The following SACS variants were observed in gnomAD, a reference collection of about 807,000 sequenced individuals.
The protein encoded by SACS is sacsin.
A neutral mutation model predicts 348.0 loss-of-function variants in SACS; 197 were observed. The ratio of observed to expected loss-of-function variants is 0.57; its 90% CI spans 0.50 to 0.64. SACS has a LOEUF of 0.64. SACS is among the 30% of genes least tolerant of loss of function. SACS has a pLI of 0.00. For missense variants in SACS, 4,999 were observed against 5,360.8 expected (o/e 0.93, Z 2.11); for synonymous variants, 1,985 against 1,910.6 (o/e 1.04, Z -1.02).
At chr13:23,382,351 A>G (rs1322514945) in intron 2 of SACS, among the ~76,000 whole-genome samples, 1 of 152,130 alleles carries the variant, frequency 6.6e-6, no homozygotes, top group Non-Finnish European at 1.5e-5. Context: ...ATTTTGAAGG[A>G]AAATTAGGAA....
rs1871155132 is a variant in SACS at position 23,367,877 on chromosome 13, A to T, written c.345+525T>A. 2.6e-5 allele frequency among the ~76,000 whole-genome samples: 4 copies of T among 152,362 alleles called. No individual in the cohort carries two copies. The South Asian group carries it at 8.3e-4, about 32-fold the overall frequency. On this transcript the variant is annotated intron_variant, in intron 5 of 9. Transcript: ENST00000382292. ...CCAAAGTGCTGGGATTACAGGCATG[A>T]GCCACTGCGCCCAGCCTGTTTTTTA... is the stretch of plus-strand genomic sequence containing the variant.
chr13:23,375,311 A>ACCCG (rs1566091911), intron 2 of SACS, 42 bp from the exon 3 acceptor site: 1 of 1,372,656 alleles, frequency 7.3e-7, no homozygotes, highest in Admixed American at 3.0e-5. Flanking sequence ...TGCGGCTGCC[A>ACCCG]CCCGCCCGCC....
chr13:23,421,519 G>A (rs1406708968), intron 1 of SACS, among the ~76,000 whole-genome samples: 1 of 152,060 alleles, frequency 6.6e-6, no homozygotes, highest in Non-Finnish European at 1.5e-5. Flanking sequence ...TGCCTACATA[G>A]TGTCTTATGT....
At chr13:23,382,925 G>A (rs1872124823) in intron 2 of SACS, among the ~76,000 whole-genome samples, 2 of 149,434 alleles carry the variant, frequency 1.3e-5, no homozygotes, top group African/African-American at 4.9e-5. Context: ...GGGACTATAG[G>A]ACTACAGGCA....
rs543717942 is a variant in SACS, at chr13:23,424,624, T to C, written c.-502+8991A>G. On this transcript the variant is annotated intron_variant, in intron 1 of 9. Transcript: ENST00000382292. Reference sequence around the variant, plus strand: ...ACAAGCTATGTGAGGAGAAACTTTCTGATGTGCTGTTTTATATAAATGAAT... The same window carrying C: ...ACAAGCTATGTGAGGAGAAACTTTCCGATGTGCTGTTTTATATAAATGAAT... 1.2e-4 allele frequency among the ~76,000 whole-genome samples: 18 copies of C among 152,326 alleles called. No individual in the cohort carries two copies. The East Asian group carries it at 3.3e-3, about 28-fold the overall frequency.
chr13:23,427,206 GCTA>G, intron 1 of SACS: 1 of 152,310 alleles, frequency 6.6e-6, no homozygotes, highest in Non-Finnish European at 1.5e-5. Flanking sequence ...AATATTAGAT[GCTA>G]CTACTTTTGC....
chr13:23,351,367 A>C (rs563678353), intron 9 of SACS, among the ~76,000 whole-genome samples: 4 of 152,186 alleles, frequency 2.6e-5, no homozygotes, highest in African/African-American at 9.7e-5. Flanking sequence ...TGTAACTCCC[A>C]TAATTCCCAT....
Position 23,330,405 on chromosome 13 carries a change from CAT to C in SACS, c.13469_13470del (p.Tyr4490CysfsTer7). On this transcript the variant is annotated frameshift_variant, in exon 10 of 10. Coordinates refer to ENST00000382292, the MANE Select transcript of SACS (RefSeq NM_014363.6). LOFTEE classifies it high-confidence loss of function. ...STKLALIAADYAVRGKSDKDV... is the reference protein window; with the variant it reads ...STKLALIAADXAVRGKSDKDV... Reference sequence around the variant, plus strand: ...TCTTTATCAGACTTTCCCCTCACAGCATAGTCAGCTGCAATCAAAGCTAACTT... The same window carrying C: ...TCTTTATCAGACTTTCCCCTCACAGCAGTCAGCTGCAATCAAAGCTAACTT... 1.2e-6 allele frequency: 2 copies of C among 1,614,196 alleles called. No homozygotes were observed. The highest frequency in any genetic ancestry group is 1.7e-6 in the Non-Finnish European group (2 of 1,180,020).
rs1329001198 is a variant in SACS at position 23,329,108 on chromosome 13, CAT to C, written c.*1026_*1027del. The C allele has an allele frequency of 2.3e-5, 6 of 259,664 alleles. No individual in the cohort carries two copies. The highest frequency in any genetic ancestry group is 7.8e-5 in the East Asian group (1 of 12,832). The allele number at this position is 259,664 out of a possible 1,614,324, so 16.1% of individuals were successfully genotyped here. ...AAGTAAAGAAGCATGGCGAGACAAA[CAT>C]GAATTAAATGTCAGTTCTGATCATT... On this transcript the variant is annotated 3_prime_UTR_variant, in exon 10 of 10. Coordinates refer to ENST00000382292, the MANE Select transcript of SACS (RefSeq NM_014363.6).
intron 2 of SACS, among the ~76,000 whole-genome samples, chr13:23,407,207 TA>T (rs1311484210): frequency 1.3e-5 from 2 of 152,230 alleles, no homozygotes; most frequent in Non-Finnish European, 2.9e-5. Context: ...TTTATTTATT[TA>T]TTTTTTTCAA....
In SACS at chr13:23,336,705, C is replaced by T. The variant is rs760087813; in HGVS notation, c.7171G>A (p.Val2391Met). ...TCTTCAACAGTGCATGACTGCCTCA[C>T]ACCCACGGTTTCAAAAAGTTCGCGG... ...NFRELFETVGVRQSCTVEDFA... is the reference protein window; with the variant it reads ...NFRELFETVGMRQSCTVEDFA... The change falls in exon 10 of 10, where the codon GTG (valine) becomes ATG (methionine). Residue 2391 changes from valine to methionine, a missense_variant. By Grantham distance (21) the Val-to-Met change is conservative. Transcript: ENST00000382292. 20 of 1,613,888 alleles carry T rather than the reference C, an allele frequency of 1.2e-5. No individual in the cohort carries two copies. The highest frequency in any genetic ancestry group is 1.7e-5 in the Non-Finnish European group (20 of 1,179,868).
intron 7 of SACS, among the ~76,000 whole-genome samples, chr13:23,357,523 C>T (rs1404258929): frequency 1.3e-5 from 2 of 152,200 alleles, no homozygotes; most frequent in African/African-American, 4.8e-5. Context: ...CCCTCCTTCA[C>T]TCTCACACGT....
At chr13:23,396,513 G>A (rs77356184) in intron 2 of SACS, among the ~76,000 whole-genome samples, 1,963 of 151,768 alleles carry the variant, frequency 0.013, 81 homozygotes, top group East Asian at 0.093. Context: ...TTGGATTTAC[G>A]GTCAATTAAG....
rs770106641 is a variant in SACS at position 23,338,650 on chromosome 13, G to A, written c.5226C>T (p.Cys1742=). The A allele has an allele frequency of 4.3e-6, 7 of 1,614,132 alleles. No individual in the cohort carries two copies. The highest frequency in any genetic ancestry group is 1.1e-5 in the South Asian group (1 of 91,080). The part of the protein sequence containing the change: ...LKEAAKLMKT[C]SSSNKKLPSD... Reference sequence around the variant, plus strand: ...TGGGAAGCTTTTTATTACTGCTGCTGCAAGTCTTCATGAGCTTAGCAGCCT... The same window carrying A: ...TGGGAAGCTTTTTATTACTGCTGCTACAAGTCTTCATGAGCTTAGCAGCCT... The change falls in exon 10 of 10, where the codon TGC becomes TGT. Residue 1742 remains cysteine, a synonymous_variant. Transcript: ENST00000382292.
chr13:23,363,427 ATGTTGGCCAGGCTGGTCTCGAATT>A (rs66634428), intron 6 of SACS, among the ~76,000 whole-genome samples: 5,571 of 150,540 alleles, frequency 0.037, 136 homozygotes, highest in Non-Finnish European at 0.055. Context: ...AGGTTTCAAC[ATGTTGGCCAGGCTGGTCTCGAATT>A]CCTGACCTCA....
intron 9 of SACS, among the ~76,000 whole-genome samples, chr13:23,346,338 G>A (rs1283623827): frequency 1.3e-5 from 2 of 152,060 alleles, no homozygotes; most frequent in South Asian, 4.1e-4. Context: ...TAGAGACGAG[G>A]TTTTACCATC....
chr13:23,406,491 C>G (rs1247525489), intron 2 of SACS, among the ~76,000 whole-genome samples: 1 of 151,842 alleles, frequency 6.6e-6, no homozygotes, highest in Non-Finnish European at 1.5e-5. Context: ...AACAAACCCA[C>G]ACGTTCTGCA....
At chr13:23,431,053 ACT>A (rs924198158) in intron 1 of SACS, among the ~76,000 whole-genome samples, 2 of 152,054 alleles carry the variant, frequency 1.3e-5, no homozygotes, top group African/African-American at 4.8e-5. Context: ...TTGGGGTTCT[ACT>A]CTCTCTTAAG....
In SACS at chr13:23,331,823, A is replaced by G. The variant is rs757430776; in HGVS notation, c.12053T>C (p.Ile4018Thr). ...AGCATTATCATTTTCATGCTTCATAATTCTAATCAGTCCTGTAATGAACTG... is the reference window on the plus strand; with the variant it reads ...AGCATTATCATTTTCATGCTTCATAGTTCTAATCAGTCCTGTAATGAACTG... ...SEQFITGLIR[I>T]MKHENDNAFL... Residue 4018 changes from isoleucine to threonine, a missense_variant, in exon 10 of 10, where the codon ATT becomes ACT. Around this residue, in one of 6 missense-constraint regions of SACS, gnomAD observed 831 missense variants for 941.8 expected, o/e 0.88. Transcript: ENST00000382292. The G allele has an allele frequency of 1.2e-5, 20 of 1,613,918 alleles. No individual in the cohort carries two copies. The highest frequency in any genetic ancestry group is 1.7e-5 in the Admixed American group (1 of 59,986).
Sources: allele counts gnomAD v4.1 joint callset (sites outside exome capture counted in the v4.1 genomes callset), GRCh38; gene constraint gnomAD v4.1.1; regional missense constraint gnomAD v4.1.1; transcripts MANE v1.5; gene names NCBI Gene and HGNC (gene_info 2026-07-23, HGNC 2026-07-21).